Variants in PIK3C3 observed in about 807,000 individuals in gnomAD.
The protein encoded by PIK3C3 is phosphatidylinositol 3-kinase catalytic subunit type 3, also known as PI3-kinase type 3.
Under a neutral mutation model 126.1 loss-of-function variants are expected in PIK3C3, and 95 were observed. That is an observed-to-expected ratio of 0.75 (90% CI 0.64 to 0.89). The LOEUF (loss-of-function observed/expected upper bound fraction) is 0.89, where lower values mean the gene tolerates loss of function less well. PIK3C3 is among the 40% of genes least tolerant of loss of function. The pLI, the probability that PIK3C3 is intolerant of heterozygous loss-of-function variation, is 0.00. For synonymous variants in PIK3C3, 374 were observed against 360.0 expected, an observed-to-expected ratio of 1.04 and a Z score of -0.44; for missense variants, 829 against 1,063.2, an observed-to-expected ratio of 0.78 and a Z score of 3.06.
chr18:42,077,854 C>T (rs947642839), intron 24 of PIK3C3, among the ~76,000 whole-genome samples: 1 of 152,184 alleles, frequency 6.6e-6, no homozygotes, highest in South Asian at 2.1e-4. Context: ...GAATTACTAT[C>T]TGTGGCAGCT....
At chr18:42,065,780 T>C (rs1387478194) in intron 23 of PIK3C3, among the ~76,000 whole-genome samples, 2 of 152,186 alleles carry the variant, frequency 1.3e-5, no homozygotes, top group Non-Finnish European at 2.9e-5. Context: ...ACAATTAGTG[T>C]ATGTGTTAAG....
chr18:42,005,458 G>T lies in PIK3C3; in HGVS notation c.1170+917G>T, dbSNP rs145176395. ...TCATGTAAGGCCATCAGGGAAGGAA[G>T]AACACTTTTTTGACAAAAAGCATTG... On this transcript the variant is annotated intron_variant, in intron 10 of 24. Transcript: ENST00000262039. Among the ~76,000 whole-genome samples, 439 of 152,294 alleles carry T rather than the reference G, an allele frequency of 2.9e-3. 1 individual carries two copies. The highest frequency in any genetic ancestry group is 4.6e-3 in the Non-Finnish European group (315 of 68,016).
In PIK3C3 at chr18:41,970,540, A is replaced by C. The variant is rs775213074; in HGVS notation, c.531+84A>C. ...ATACCTTGACATTATGAACTCTGTC[A>C]GATTTTTAAAAAATCTAAATCTTAA... On this transcript the variant is annotated intron_variant, in intron 4 of 24. Coordinates refer to ENST00000262039, the MANE Select transcript of PIK3C3 (RefSeq NM_002647.4). 12 of 1,199,918 alleles carry C rather than the reference A, an allele frequency of 1.0e-5. No individual in the cohort carries two copies. In the South Asian group the frequency reaches 1.4e-4, roughly 14 times the overall value. 74.3% of individuals were successfully genotyped at this position (1,199,918 alleles called of 1,614,324 possible). A position where few individuals can be genotyped will look rare whatever the true frequency, so the allele number is the denominator to read the frequency against.
intron 9 of PIK3C3, among the ~76,000 whole-genome samples, chr18:42,001,432 CAG>C (rs1568129915): frequency 6.6e-6 from 1 of 152,184 alleles, no homozygotes; most frequent in African/African-American, 2.4e-5. Context: ...AAGTTACACA[CAG>C]AGAGAGAATT....
At chr18:42,003,986 T>A (rs1444238786) in intron 9 of PIK3C3, among the ~76,000 whole-genome samples, 2 of 152,220 alleles carry the variant, frequency 1.3e-5, no homozygotes, top group African/African-American at 4.8e-5. Context: ...GTATTTTCTG[T>A]TGTAAAATAT....
chr18:41,973,845 T>C (rs1021615312), intron 4 of PIK3C3, among the ~76,000 whole-genome samples: 1 of 152,126 alleles, frequency 6.6e-6, no homozygotes, highest in Admixed American at 6.5e-5. Flanking sequence ...AGAAAAAAAA[T>C]TAGTATTCAA....
At chr18:42,040,810 CAT>C (rs1984279471) in intron 19 of PIK3C3, 69 bp downstream of exon 19, 1 of 1,022,140 alleles carries the variant, frequency 9.8e-7, no homozygotes, top group African/African-American at 1.6e-5. Context: ...GTCTTTATAA[CAT>C]AGAGTTAAAA....
At chr18:41,993,074 A>C (rs1307796169) in intron 6 of PIK3C3, among the ~76,000 whole-genome samples, 196 bp from the exon 7 acceptor site, 1 of 152,162 alleles carries the variant, frequency 6.6e-6, no homozygotes, top group Non-Finnish European at 1.5e-5. Flanking sequence ...TTTTCTCAAA[A>C]CAATTTCATA....
intron 23 of PIK3C3, among the ~76,000 whole-genome samples, chr18:42,065,187 T>A (rs1985483703): frequency 6.6e-6 from 1 of 152,230 alleles, no homozygotes; most frequent in Non-Finnish European, 1.5e-5. Flanking sequence ...TCATTTGGAA[T>A]GTCTATTATC....
intron 10 of PIK3C3, among the ~76,000 whole-genome samples, chr18:42,012,976 A>G (rs564572248): frequency 6.6e-6 from 1 of 152,254 alleles, no homozygotes; most frequent in South Asian, 2.1e-4. Context: ...CATTAAACAG[A>G]AGTGCTTTGA....
At chr18:42,060,250 G>A (rs565276681) in intron 22 of PIK3C3, among the ~76,000 whole-genome samples, 2 of 152,220 alleles carry the variant, frequency 1.3e-5, no homozygotes, top group South Asian at 4.1e-4. Flanking sequence ...TAATTGATCA[G>A]TTTCTTCACA....
At chr18:42,074,627 T>C (rs1264604778) in intron 24 of PIK3C3, among the ~76,000 whole-genome samples, 1 of 152,108 alleles carries the variant, frequency 6.6e-6, no homozygotes, top group Non-Finnish European at 1.5e-5. Context: ...TTTAAAGCAT[T>C]ACTAGTACTC....
chr18:42,037,956 G>A (rs866761697), intron 17 of PIK3C3, 136 bp downstream of exon 17: 15 of 761,270 alleles, frequency 2.0e-5, no homozygotes, highest in Middle Eastern at 2.9e-4. Context: ...GTCTCCACTT[G>A]ACCTTGAAAA....
intron 3 of PIK3C3, among the ~76,000 whole-genome samples, chr18:41,966,177 C>CCTT (rs1555671402): frequency 2.2e-4 from 25 of 112,574 alleles, no homozygotes; most frequent in African/African-American, 8.5e-4. Context: ...TATATTGTTC[C>CCTT]TTTTTTTTTT....
chr18:42,078,026 T>C (rs1003808523), intron 24 of PIK3C3, among the ~76,000 whole-genome samples: 3 of 152,088 alleles, frequency 2.0e-5, no homozygotes, highest in Non-Finnish European at 2.9e-5. Flanking sequence ...ACATTGTCAA[T>C]GAACAATATT....
chr18:42,080,008 T>A (rs962070150), intron 24 of PIK3C3, among the ~76,000 whole-genome samples: 10 of 151,616 alleles, frequency 6.6e-5, no homozygotes, highest in African/African-American at 2.4e-4. Context: ...AGTGTGTGTG[T>A]GTGTGTGTGT....
chr18:42,076,109 T>TGCAC (rs1371998080), intron 24 of PIK3C3, among the ~76,000 whole-genome samples: 9 of 78,922 alleles, frequency 1.1e-4, no homozygotes, highest in African/African-American at 4.4e-4. Context: ...TATATATATA[T>TGCAC]ATATATATAT....
intron 7 of PIK3C3, among the ~76,000 whole-genome samples, 185 bp downstream of exon 7, chr18:41,993,526 C>G (rs1047668221): frequency 6.6e-6 from 1 of 151,994 alleles, no homozygotes; most frequent in African/African-American, 2.4e-5. Context: ...ATATTAACAT[C>G]TTAAAACTAA....
chr18:41,957,639 C>T lies in PIK3C3; in HGVS notation c.138C>T (p.Phe46=), dbSNP rs1280282388. Residue 46 remains phenylalanine, a synonymous_variant, in exon 2 of 25, where the codon TTC becomes TTT. Transcript: ENST00000262039. ...KAVLEDPMLK[F]SGLYQETCSD... Reference sequence around the variant, plus strand: ...TCCTGGAAGACCCAATGTTGAAGTTCTCAGGACTATATCAAGAGACATGCT... The same window carrying T: ...TCCTGGAAGACCCAATGTTGAAGTTTTCAGGACTATATCAAGAGACATGCT... 16 of 1,613,692 alleles carry T rather than the reference C, an allele frequency of 9.9e-6. No individual in the cohort carries two copies. Among genetic ancestry groups the T allele is most frequent in the Non-Finnish European group, 1.2e-5 (14 of 1,179,850 alleles).
Sources: gnomAD v4.1 joint callset for allele counts (sites outside exome capture counted in the v4.1 genomes callset) on GRCh38, gnomAD v4.1.1 for gene constraint, MANE v1.5 for transcripts, NCBI Gene and HGNC (gene_info 2026-07-23, HGNC 2026-07-21) for gene names.